Variants in KAZN observed in about 807,000 individuals in gnomAD.
KAZN encodes kazrin, periplakin interacting protein.
In KAZN, 40 loss-of-function variants were observed where a neutral mutation model predicts 87.4. The observed-to-expected ratio is 0.46, with a 90% CI of 0.36 to 0.60. The LOEUF is 0.60. KAZN is among the 20% of genes least tolerant of loss of function. The pLI is 0.00. For synonymous variants in KAZN, 466 were observed against 458.3 expected (o/e 1.02, Z -0.22); for missense variants, 898 against 1,073.9 (o/e 0.84, Z 2.29).
At chr1:14,861,252 G>A (rs115339286) in intron 1 of KAZN, among the ~76,000 whole-genome samples, 1,674 of 152,242 alleles carry the variant, frequency 0.011, 39 homozygotes, top group African/African-American at 0.037. Flanking sequence ...GTGACTCAAC[G>A]CCTGTAGTCC....
At chr1:13,924,772 T>G (rs1039152471) in intron 1 of KAZN, among the ~76,000 whole-genome samples, 1 of 152,238 alleles carries the variant, frequency 6.6e-6, no homozygotes, top group African/African-American at 2.4e-5. Context: ...GATTGATGTC[T>G]TATTTTTCCC....
At chr1:14,673,763 C>T (rs1454525189) in intron 1 of KAZN, among the ~76,000 whole-genome samples, 1 of 152,220 alleles carries the variant, frequency 6.6e-6, no homozygotes, top group African/African-American at 2.4e-5. Context: ...ATTCTTGGCG[C>T]CGGTCAACCC....
chr1:14,150,707 T>C (rs1645453916), intron 1 of KAZN, among the ~76,000 whole-genome samples: 1 of 152,200 alleles, frequency 6.6e-6, no homozygotes, highest in South Asian at 2.1e-4. Flanking sequence ...CCATTGCTGA[T>C]CCTCAAACCA....
At chr1:14,567,302 G>T (rs1489690794) in intron 2 of KAZN, among the ~76,000 whole-genome samples, 1 of 152,096 alleles carries the variant, frequency 6.6e-6, no homozygotes, top group Non-Finnish European at 1.5e-5. Flanking sequence ...AATTTCTCAA[G>T]TTGGTTCACC....
intron 2 of KAZN, among the ~76,000 whole-genome samples, chr1:14,510,271 G>A (rs184048793): frequency 6.6e-5 from 10 of 152,074 alleles, no homozygotes; most frequent in East Asian, 5.8e-4. Context: ...CCAGCTACTC[G>A]GGTGGCAGAG....
intron 2 of KAZN, among the ~76,000 whole-genome samples, chr1:14,445,569 A>G (rs1260932970): frequency 1.3e-5 from 2 of 152,140 alleles, no homozygotes; most frequent in Non-Finnish European, 2.9e-5. Flanking sequence ...ACTGTGAGAC[A>G]ATAAACTTCT....
chr1:14,179,067 C>T (rs1646141535), intron 1 of KAZN, among the ~76,000 whole-genome samples: 3 of 152,184 alleles, frequency 2.0e-5, no homozygotes, highest in African/African-American at 7.2e-5. Flanking sequence ...TGCAGCTCCC[C>T]TGTAACTGTT....
At chr1:14,352,112 A>T (rs1444258329) in intron 2 of KAZN, among the ~76,000 whole-genome samples, 1 of 152,236 alleles carries the variant, frequency 6.6e-6, no homozygotes, top group Non-Finnish European at 1.5e-5. Context: ...TTCAAGTATC[A>T]AATCTTTGTA....
intron 1 of KAZN, among the ~76,000 whole-genome samples, chr1:14,079,493 C>T (rs144212630): frequency 0.02 from 2,968 of 152,198 alleles, 46 homozygotes; most frequent in Non-Finnish European, 0.027. Context: ...TGTTCCAGAG[C>T]GATGTTAACA....
intron 1 of KAZN, among the ~76,000 whole-genome samples, chr1:14,844,240 C>T (rs955343025): frequency 2.0e-5 from 3 of 152,174 alleles, no homozygotes; most frequent in African/African-American, 7.2e-5. Flanking sequence ...CCTGTACTCT[C>T]ACTTCTATTT....
intron 1 of KAZN, among the ~76,000 whole-genome samples, chr1:13,898,212 C>T (rs1294988294): frequency 6.6e-6 from 1 of 152,176 alleles, no homozygotes; most frequent in Non-Finnish European, 1.5e-5. Flanking sequence ...GGTCTCAGTG[C>T]AGCTGGACAA....
intron 1 of KAZN, among the ~76,000 whole-genome samples, chr1:14,883,392 A>AAAGG (rs1653668505): frequency 7.4e-6 from 1 of 135,624 alleles, no homozygotes; most frequent in African/African-American, 3.0e-5. Context: ...AGAAAGAAAG[A>AAAGG]AAGAAAGAAA....
At chr1:13,973,574 C>T (rs574552837) in intron 1 of KAZN, among the ~76,000 whole-genome samples, 1 of 152,224 alleles carries the variant, frequency 6.6e-6, no homozygotes, top group African/African-American at 2.4e-5. Context: ...GCCTTTCAGG[C>T]CTACGGTGTT....
At chr1:14,915,720 C>T (rs537833198) in intron 1 of KAZN, among the ~76,000 whole-genome samples, 18 of 152,332 alleles carry the variant, frequency 1.2e-4, no homozygotes, top group African/African-American at 9.6e-5. Flanking sequence ...AGACTCCCAA[C>T]GCTGCCTTTT....
intron 1 of KAZN, among the ~76,000 whole-genome samples, chr1:14,738,865 G>A (rs939956774): frequency 1.3e-5 from 2 of 152,168 alleles, no homozygotes; most frequent in African/African-American, 4.8e-5. Context: ...AGAGGGCAGA[G>A]TCTGAGTTGA....
chr1:14,619,746 A>T (rs1366378571), intron 1 of KAZN, among the ~76,000 whole-genome samples: 1 of 152,122 alleles, frequency 6.6e-6, no homozygotes, highest in African/African-American at 2.4e-5. Context: ...GTATCTGTGG[A>T]TTTGTTCATA....
At chr1:14,115,290 A>G (rs1163138891) in intron 1 of KAZN, among the ~76,000 whole-genome samples, 1 of 152,202 alleles carries the variant, frequency 6.6e-6, no homozygotes, top group Admixed American at 6.5e-5. Flanking sequence ...GACCTCATCT[A>G]ACCCTAATTA....
chr1:14,730,265 G>A (rs1050339931), intron 1 of KAZN, among the ~76,000 whole-genome samples: 14 of 152,136 alleles, frequency 9.2e-5, no homozygotes, highest in Non-Finnish European at 1.9e-4. Flanking sequence ...TGTATGTTTA[G>A]TGGAGACAGG....
rs987657995 is a variant in KAZN, at chr1:14,788,660, G to A, written c.227-172024G>A. Among the ~76,000 whole-genome samples the A allele has an allele frequency of 4.6e-5, 7 of 152,088 alleles. No homozygotes were observed. In the South Asian group the frequency reaches 1.0e-3, roughly 23 times the overall value. On this transcript the variant is annotated intron_variant, in intron 1 of 14. Coordinates refer to ENST00000376030, the MANE Select transcript of KAZN (RefSeq NM_201628.3). The stretch of plus-strand genomic sequence containing the variant: ...CCAAAGGGCCTCCGTCAAAGCTTAC[G>A]ACCCAGAGGCCTGACCGTGGTGACT...
Sources: gnomAD v4.1 joint callset for allele counts (sites outside exome capture counted in the v4.1 genomes callset) on GRCh38, gnomAD v4.1.1 for gene constraint, MANE v1.5 for transcripts, NCBI Gene and HGNC (gene_info 2026-07-23, HGNC 2026-07-21) for gene names.